Variants in FRMD4A observed in about 807,000 individuals in gnomAD.
FRMD4A encodes the protein FERM domain-containing protein 4A.
In FRMD4A, 29 loss-of-function variants were observed where a neutral mutation model predicts 129.1. The observed-to-expected ratio is 0.22, with a 90% CI of 0.17 to 0.31. FRMD4A has a LOEUF of 0.31. Among genes scored for constraint, FRMD4A ranks in the 10% least tolerant of loss-of-function variants. FRMD4A has a pLI of 1.00. For missense variants in FRMD4A, 1,272 were observed against 1,375.8 expected (o/e 0.92, Z 1.19); for synonymous variants, 634 against 571.6 (o/e 1.11, Z -1.56).
At chr10:14,105,330 C>T (rs967372947) in intron 2 of FRMD4A, among the ~76,000 whole-genome samples, 1 of 152,058 alleles carries the variant, frequency 6.6e-6, no homozygotes, top group Non-Finnish European at 1.5e-5. Context: ...CTTTGGGTGG[C>T]CAAGACCAGA....
chr10:13,700,126 T>G (rs1207546571), intron 14 of FRMD4A, among the ~76,000 whole-genome samples: 1 of 152,018 alleles, frequency 6.6e-6, no homozygotes, highest in East Asian at 1.9e-4. Flanking sequence ...TTTTTTCTTT[T>G]AGTAGAGATG....
At chr10:13,700,820 C>CTTTTTTTTT (rs71503097) in intron 14 of FRMD4A, among the ~76,000 whole-genome samples, 8 of 44,710 alleles carry the variant, frequency 1.8e-4, no homozygotes, top group African/African-American at 6.0e-4. Context: ...AGGGTAGTTG[C>CTTTTTTTTT]TTTTTTTTTT....
intron 9 of FRMD4A, 109 bp from the exon 10 acceptor site, chr10:13,740,686 C>A: frequency 1.5e-6 from 1 of 658,754 alleles, no homozygotes; most frequent in South Asian, 1.9e-5. Flanking sequence ...TCCAAGGCAC[C>A]AACAGCTCCT....
chr10:14,238,767 A>G (rs191388046), intron 2 of FRMD4A, among the ~76,000 whole-genome samples: 14 of 152,108 alleles, frequency 9.2e-5, no homozygotes, highest in Admixed American at 9.2e-4. Context: ...CTCATTTATG[A>G]GTAATAATAT....
chr10:14,071,530 T>C (rs1199368915), intron 2 of FRMD4A, among the ~76,000 whole-genome samples: 1 of 152,198 alleles, frequency 6.6e-6, no homozygotes, highest in African/African-American at 2.4e-5. Flanking sequence ...CCGAAAACAT[T>C]TTATATAAAG....
intron 2 of FRMD4A, among the ~76,000 whole-genome samples, chr10:13,989,724 G>A (rs2095596747): frequency 6.6e-6 from 1 of 152,226 alleles, no homozygotes; most frequent in Non-Finnish European, 1.5e-5. Context: ...ACAGCCTATT[G>A]ATGATGAGAG....
intron 2 of FRMD4A, among the ~76,000 whole-genome samples, chr10:13,897,622 T>C (rs188907820): frequency 3.3e-5 from 5 of 152,224 alleles, no homozygotes; most frequent in Admixed American, 6.5e-5. Flanking sequence ...TTCTAAGATA[T>C]GTGTCTTAGA....
chr10:13,898,848 C>T (rs998801270), intron 2 of FRMD4A, among the ~76,000 whole-genome samples: 1 of 152,120 alleles, frequency 6.6e-6, no homozygotes, highest in Non-Finnish European at 1.5e-5. Flanking sequence ...TCCAGGGCAA[C>T]CTTGAATAAG....
chr10:14,157,134 C>T (rs1363308385), intron 2 of FRMD4A, among the ~76,000 whole-genome samples: 2 of 152,194 alleles, frequency 1.3e-5, no homozygotes, highest in Non-Finnish European at 2.9e-5. Context: ...TACAAAATGA[C>T]TCTTCCTGTG....
At chr10:13,774,404 T>C (rs1454458403) in intron 6 of FRMD4A, among the ~76,000 whole-genome samples, 1 of 152,142 alleles carries the variant, frequency 6.6e-6, no homozygotes, top group Admixed American at 6.5e-5. Flanking sequence ...CTTTCTGCTA[T>C]TAAAGAGATG....
At chr10:14,329,236 G>A (rs1843412908) in intron 2 of FRMD4A, among the ~76,000 whole-genome samples, 1 of 152,158 alleles carries the variant, frequency 6.6e-6, no homozygotes, top group African/African-American at 2.4e-5. Flanking sequence ...TCCATGCCAA[G>A]CCTGATGCAG....
intron 3 of FRMD4A, among the ~76,000 whole-genome samples, chr10:13,838,021 T>A (rs1339395658): frequency 6.6e-6 from 1 of 152,152 alleles, no homozygotes; most frequent in Non-Finnish European, 1.5e-5. Context: ...AGGGCACACC[T>A]TTTCTTCTCT....
intron 2 of FRMD4A, among the ~76,000 whole-genome samples, chr10:14,261,672 TG>T (rs1485819358): frequency 6.6e-6 from 1 of 152,186 alleles, no homozygotes; most frequent in East Asian, 1.9e-4. Flanking sequence ...AGAGAAGACC[TG>T]GGCTCTCATT....
At chr10:14,308,015 CATAG>C (rs1846410823) in intron 2 of FRMD4A, among the ~76,000 whole-genome samples, 1 of 152,162 alleles carries the variant, frequency 6.6e-6, no homozygotes, top group South Asian at 2.1e-4. Context: ...TGCTAAAGTA[CATAG>C]ATAGAGTTTC....
chr10:13,855,587 C>T (rs1328874449), intron 3 of FRMD4A, among the ~76,000 whole-genome samples: 1 of 152,154 alleles, frequency 6.6e-6, no homozygotes, highest in Non-Finnish European at 1.5e-5. Context: ...GTCAAAAGAT[C>T]AGGAAAGGCA....
intron 2 of FRMD4A, among the ~76,000 whole-genome samples, chr10:13,994,581 T>C (rs902755961): frequency 1.3e-5 from 2 of 152,232 alleles, no homozygotes; most frequent in Non-Finnish European, 2.9e-5. Flanking sequence ...CTCAGGACAG[T>C]GCTCTTTTAC....
At chr10:14,289,901 A>G (rs1845798700) in intron 2 of FRMD4A, among the ~76,000 whole-genome samples, 1 of 152,078 alleles carries the variant, frequency 6.6e-6, no homozygotes, top group African/African-American at 2.4e-5. Flanking sequence ...GGACAAATAA[A>G]TGCATAAAGT....
At chr10:14,287,093 G>C (rs1284449926) in intron 2 of FRMD4A, among the ~76,000 whole-genome samples, 1 of 151,716 alleles carries the variant, frequency 6.6e-6, no homozygotes, top group East Asian at 1.9e-4. Context: ...TCACCCACCA[G>C]TGTCCCAATA....
intron 2 of FRMD4A, among the ~76,000 whole-genome samples, chr10:13,981,264 T>C (rs950493259): frequency 1.3e-5 from 2 of 152,164 alleles, no homozygotes; most frequent in Admixed American, 6.5e-5. Flanking sequence ...GTCAGCACAG[T>C]GGCACAGGCA....
Sources: gnomAD v4.1 joint callset for allele counts (sites outside exome capture counted in the v4.1 genomes callset) on GRCh38, gnomAD v4.1.1 for gene constraint, MANE v1.5 for transcripts, NCBI Gene and HGNC (gene_info 2026-07-23, HGNC 2026-07-21) for gene names.